CFAP299: variants seen among roughly 807,000 people sequenced by gnomAD.
The protein encoded by CFAP299 is cilia- and flagella-associated protein 299.
In CFAP299, 21 loss-of-function variants were observed where a neutral mutation model predicts 27.0. The observed-to-expected ratio is 0.78, with a 90% CI of 0.55 to 1.12. The LOEUF is 1.12. Among genes scored for constraint, CFAP299 ranks in the 50% most tolerant of loss-of-function variants. CFAP299 has a pLI of 0.00. For synonymous variants in CFAP299, 104 were observed against 98.1 expected (o/e 1.06, Z -0.36); for missense variants, 310 against 276.6 (o/e 1.12, Z -0.86).
At chr4:80,347,100 T>C (rs1380540153) in intron 1 of CFAP299, among the ~76,000 whole-genome samples, 2 of 152,182 alleles carry the variant, frequency 1.3e-5, no homozygotes, top group Non-Finnish European at 2.9e-5. Flanking sequence ...TTAGGAATGC[T>C]TGTGAATTTT....
At chr4:80,882,319 A>G (rs1019976940) in intron 4 of CFAP299, among the ~76,000 whole-genome samples, 2 of 152,184 alleles carry the variant, frequency 1.3e-5, no homozygotes, top group African/African-American at 4.8e-5. Context: ...TCAAATTATA[A>G]AAGTCAAAGG....
intron 3 of CFAP299, among the ~76,000 whole-genome samples, chr4:80,816,982 T>C (rs1478737573): frequency 3.3e-5 from 5 of 152,156 alleles, no homozygotes; most frequent in Admixed American, 2.6e-4. Flanking sequence ...CATGCTATTG[T>C]AGTTCCCAGG....
intron 3 of CFAP299, among the ~76,000 whole-genome samples, chr4:80,696,483 TAA>T (rs1191397433): frequency 1.3e-5 from 2 of 151,472 alleles, no homozygotes; most frequent in Non-Finnish European, 2.9e-5. Flanking sequence ...CAAATAACAA[TAA>T]GAGACAGAAA....
In CFAP299 at chr4:80,782,630, T is replaced by C. The variant is rs1202449197; in HGVS notation, c.334-87363T>C. ...CATATATTAATATATAATATATTCA[T>C]ATATAATATACATATATGAATATAT... On this transcript the variant is annotated intron_variant, in intron 3 of 5. Coordinates refer to ENST00000358105, the MANE Select transcript of CFAP299 (RefSeq NM_152770.3). Among the ~76,000 whole-genome samples, 5 of 106,554 alleles carry C rather than the reference T, an allele frequency of 4.7e-5. No individual in the cohort carries two copies. The East Asian group carries it at 6.5e-4, about 14-fold the overall frequency. The allele number at this position is 106,554 out of a possible 152,430, so 69.9% of individuals were successfully genotyped here.
chr4:80,872,638 A>G (rs1336790900), intron 4 of CFAP299: 4 of 152,204 alleles, frequency 2.6e-5, no homozygotes, highest in Non-Finnish European at 5.9e-5. Flanking sequence ...CCAACACAAG[A>G]TATTAACAAA....
At chr4:80,324,269 T>C in the CFAP299 span, among the ~76,000 whole-genome samples, 3 of 152,254 alleles carry the variant, frequency 2.0e-5, no homozygotes, top group South Asian at 4.1e-4. Context: ...TCCTGGACTA[T>C]GTATTCCACT....
chr4:80,598,547 G>A (rs1737171872), intron 3 of CFAP299, among the ~76,000 whole-genome samples: 1 of 152,146 alleles, frequency 6.6e-6, no homozygotes, highest in Non-Finnish European at 1.5e-5. Context: ...GTGTTTTCAT[G>A]TTATTCAGAT....
At chr4:80,544,080 C>G (rs1021300107) in intron 2 of CFAP299, among the ~76,000 whole-genome samples, 3 of 152,158 alleles carry the variant, frequency 2.0e-5, no homozygotes, top group Non-Finnish European at 4.4e-5. Context: ...AAATTCCGAC[C>G]AAGAATTTCA....
At position 80,617,772 on chromosome 4, in the gene CFAP299, C is replaced by G. The variant is rs545386976; in HGVS notation, c.333+34589C>G. Among the ~76,000 whole-genome samples the G allele has an allele frequency of 2.6e-5, 4 of 152,124 alleles. No individual in the cohort carries two copies. In the East Asian group the frequency reaches 7.7e-4, roughly 29 times the overall value. On this transcript the variant is annotated intron_variant, in intron 3 of 5. Transcript: ENST00000358105. ...AAAGAACTAAGGGATAACCAATGTG[C>G]CTTAAAGCATATTGAAACTAGAGGG...
intron 1 of CFAP299, among the ~76,000 whole-genome samples, chr4:80,359,863 G>A (rs540625691): frequency 6.6e-6 from 1 of 152,312 alleles, no homozygotes; most frequent in Admixed American, 6.5e-5. Flanking sequence ...CCTTGCTGGA[G>A]AAGTGATGTG....
At chr4:80,552,273 C>G (rs1489330040) in intron 2 of CFAP299, among the ~76,000 whole-genome samples, 1 of 152,084 alleles carries the variant, frequency 6.6e-6, no homozygotes, top group Non-Finnish European at 1.5e-5. Flanking sequence ...ACTGAAGTTA[C>G]CATATATGAT....
In CFAP299 at chr4:80,941,631, G is replaced by A. The variant is rs571127380; in HGVS notation, c.477-3179G>A. ...TTGTCTGTTCTCGCACTACTATAAAGAAACATCTGAGACTGGGTCATTTAT... is the reference window on the plus strand; with the variant it reads ...TTGTCTGTTCTCGCACTACTATAAAAAAACATCTGAGACTGGGTCATTTAT... On this transcript the variant is annotated intron_variant, in intron 4 of 5. Coordinates refer to ENST00000358105, the MANE Select transcript of CFAP299 (RefSeq NM_152770.3). Among the ~76,000 whole-genome samples, 3 of 152,128 alleles carry A rather than the reference G, an allele frequency of 2.0e-5. No individual in the cohort carries two copies. In the East Asian group the frequency reaches 5.8e-4, roughly 29 times the overall value.
At chr4:80,918,508 A>G (rs1022935494) in intron 4 of CFAP299, among the ~76,000 whole-genome samples, 6 of 152,142 alleles carry the variant, frequency 3.9e-5, no homozygotes, top group African/African-American at 1.4e-4. Flanking sequence ...GGTAGATTTT[A>G]TAATACTATT....
At chr4:80,821,322 G>A (rs1025373623) in intron 3 of CFAP299, among the ~76,000 whole-genome samples, 1 of 152,082 alleles carries the variant, frequency 6.6e-6, no homozygotes, top group Non-Finnish European at 1.5e-5. Flanking sequence ...AGAGAAAAAG[G>A]TTTTAAATTT....
chr4:80,616,375 C>T lies in CFAP299; in HGVS notation c.333+33192C>T, dbSNP rs186218396. ...ATATACATATAAACTTTTATATACA[C>T]GCGTGTACTTTTATATGTGTAATTT... On this transcript the variant is annotated intron_variant, in intron 3 of 5. Coordinates refer to ENST00000358105, the MANE Select transcript of CFAP299 (RefSeq NM_152770.3). Among the ~76,000 whole-genome samples the T allele has an allele frequency of 2.6e-3, 394 of 151,990 alleles. 1 individual carries two copies. Among genetic ancestry groups the T allele is most frequent in the African/African-American group, 8.9e-3 (368 of 41,450 alleles).
At chr4:80,697,141 C>T (rs564829491) in intron 3 of CFAP299, among the ~76,000 whole-genome samples, 44 of 151,662 alleles carry the variant, frequency 2.9e-4, no homozygotes, top group Non-Finnish European at 5.3e-4. Flanking sequence ...CCTAGGAGTA[C>T]GAGACCAGCC....
At chr4:80,595,118 A>G (rs918167118) in intron 3 of CFAP299, among the ~76,000 whole-genome samples, 1 of 152,088 alleles carries the variant, frequency 6.6e-6, no homozygotes, top group East Asian at 1.9e-4. Flanking sequence ...TTCTTTTCAT[A>G]TGGGTAGAGG....
intron 4 of CFAP299, 25 bp downstream of exon 4, chr4:80,870,160 C>T: frequency 6.3e-7 from 1 of 1,575,892 alleles, no homozygotes; most frequent in East Asian, 2.3e-5. Context: ...ATTTTTGCAC[C>T]CTTAGAGGCA....
intron 3 of CFAP299, among the ~76,000 whole-genome samples, chr4:80,785,475 T>C (rs918382126): frequency 3.9e-5 from 6 of 152,164 alleles, no homozygotes; most frequent in Non-Finnish European, 5.9e-5. Context: ...AGAATTTCAA[T>C]AGATACTCTA....
Sources: allele counts gnomAD v4.1 joint callset (sites outside exome capture counted in the v4.1 genomes callset), GRCh38; gene constraint gnomAD v4.1.1; transcripts MANE v1.5; gene names NCBI Gene and HGNC (gene_info 2026-07-23, HGNC 2026-07-21).